Variants in TNKS observed in about 807,000 individuals in gnomAD.
The protein encoded by TNKS is tankyrase, also known as poly [ADP-ribose] polymerase tankyrase-1.
In TNKS, 72 loss-of-function variants were observed where a neutral mutation model predicts 135.8. The ratio of observed to expected loss-of-function variants is 0.53; its 90% confidence interval spans 0.44 to 0.64. TNKS has a LOEUF of 0.64. TNKS is among the 30% of genes least tolerant of loss of function. The pLI is 0.00. For missense variants in TNKS, 1,769 were observed against 1,674.0 expected (o/e 1.06, Z -0.99); for synonymous variants, 849 against 649.3 (o/e 1.31, Z -4.68).
chr8:9,614,173 AC>A (rs1261288863), intron 2 of TNKS, among the ~76,000 whole-genome samples: 2 of 152,246 alleles, frequency 1.3e-5, no homozygotes, highest in African/African-American at 4.8e-5. Flanking sequence ...ACATGTTGTT[AC>A]AATAGCTGTA....
chr8:9,667,258 A>G (rs1225812990), intron 3 of TNKS, among the ~76,000 whole-genome samples: 1 of 152,246 alleles, frequency 6.6e-6, no homozygotes, highest in Non-Finnish European at 1.5e-5. Flanking sequence ...CCAGTATGCC[A>G]ATATGATCTC....
intron 1 of TNKS, chr8:9,557,210 A>G (rs971706313): frequency 2.0e-5 from 3 of 152,708 alleles, no homozygotes; most frequent in African/African-American, 7.2e-5. Flanking sequence ...TGGAAGAAAT[A>G]TAGGCTTTGA....
Position 9,556,782 on chromosome 8 carries a change from G to A in TNKS, c.673+170G>A, listed in dbSNP as rs2129048449. 4.8e-6 allele frequency: 3 copies of A among 627,640 alleles called. No homozygotes were observed. The East Asian group carries it at 1.0e-4, about 22-fold the overall frequency. 38.9% of individuals were successfully genotyped at this position (627,640 alleles called of 1,614,324 possible). On this transcript the variant is annotated intron_variant, in intron 1 of 26. Coordinates refer to ENST00000310430, the MANE Select transcript of TNKS (RefSeq NM_003747.3). ...TTCTTTTGGTGGTGCCTGGGTGATG[G>A]GGGCGTGGTTGGGGGGGATAAGTGA...
chr8:9,681,808 C>G (rs1253471395), intron 5 of TNKS, among the ~76,000 whole-genome samples: 1 of 152,020 alleles, frequency 6.6e-6, no homozygotes, highest in African/African-American at 2.4e-5. Flanking sequence ...CACTTTTTCT[C>G]TATTTTAATG....
chr8:9,699,006 A>G lies in TNKS; in HGVS notation c.1108-5657A>G, dbSNP rs1803664759. On this transcript the variant is annotated intron_variant, in intron 5 of 26. Transcript: ENST00000310430. ...TGTATTTGTGTCTGTTCCATAATTTACTTTACATGTTTGTCTTTTAAAATG... is the reference window on the plus strand; with the variant it reads ...TGTATTTGTGTCTGTTCCATAATTTGCTTTACATGTTTGTCTTTTAAAATG... 2.0e-5 allele frequency among the ~76,000 whole-genome samples: 3 copies of G among 152,180 alleles called. 1 individual carries two copies. In the South Asian group the frequency reaches 6.2e-4, roughly 31 times the overall value.
chr8:9,560,491 GTCTTTTTTTTTTTT>G (rs1797280645), intron 1 of TNKS, among the ~76,000 whole-genome samples: 1 of 40,094 alleles, frequency 2.5e-5, no homozygotes, highest in Non-Finnish European at 4.7e-5. Flanking sequence ...GGCCATACTT[GTCTTTTTTTTTTTT>G]TTTTTTTTTT....
intron 21 of TNKS, 45 bp from the exon 22 acceptor site, chr8:9,763,099 TGAG>T (rs774246996): frequency 1.3e-6 from 1 of 762,892 alleles, no homozygotes; most frequent in Non-Finnish European, 2.0e-6. Context: ...AAATAGAGCC[TGAG>T]TAGTGTAGAC....
chr8:9,629,375 T>C (rs1464775749), intron 3 of TNKS, among the ~76,000 whole-genome samples: 1 of 152,230 alleles, frequency 6.6e-6, no homozygotes, highest in African/African-American at 2.4e-5. Context: ...GTTCTCTACA[T>C]AGCAGACAGA....
At chr8:9,637,618 G>A (rs1026679671) in intron 3 of TNKS, among the ~76,000 whole-genome samples, 2 of 152,128 alleles carry the variant, frequency 1.3e-5, no homozygotes, top group Non-Finnish European at 2.9e-5. Context: ...ACAGCAATGG[G>A]ACAGTATCCT....
chr8:9,679,944 C>G lies in TNKS; in HGVS notation c.995-7C>G, dbSNP rs1366296322. 6.2e-7 allele frequency: 1 copy of G among 1,611,468 alleles called. No individual in the cohort carries two copies. The highest frequency in any genetic ancestry group is 1.1e-5 in the South Asian group (1 of 90,994). On this transcript the variant is annotated splice_region_variant and splice_polypyrimidine_tract_variant and intron_variant, in intron 3 of 26. Transcript: ENST00000310430. ...TGCTAACAGCATGATATTTTGCAAT[C>G]ATCTAGGTGAATACAAGAAAGACGA...
chr8:9,608,107 A>AT (rs774843226), intron 2 of TNKS, among the ~76,000 whole-genome samples: 28 of 151,912 alleles, frequency 1.8e-4, no homozygotes, highest in Non-Finnish European at 3.5e-4. Flanking sequence ...CGCCTGGCTC[A>AT]TTTTTTTACT....
chr8:9,657,770 G>A (rs1421771113), intron 3 of TNKS, among the ~76,000 whole-genome samples: 2 of 147,038 alleles, frequency 1.4e-5, no homozygotes, highest in East Asian at 2.1e-4. Flanking sequence ...CGGCTGGCCG[G>A]GCAGGGGGCT....
chr8:9,712,705 A>G (rs1201562017), intron 11 of TNKS, among the ~76,000 whole-genome samples: 1 of 151,858 alleles, frequency 6.6e-6, no homozygotes, highest in Non-Finnish European at 1.5e-5. Flanking sequence ...GCTGGGCAAC[A>G]CAGGCCAACC....
At chr8:9,593,320 A>G (rs1798656213) in intron 2 of TNKS, among the ~76,000 whole-genome samples, 1 of 152,218 alleles carries the variant, frequency 6.6e-6, no homozygotes, top group African/African-American at 2.4e-5. Context: ...GAAAGTTGTT[A>G]CTTTGCCACA....
intron 2 of TNKS, among the ~76,000 whole-genome samples, chr8:9,610,325 A>G (rs1799409461): frequency 6.6e-6 from 1 of 151,360 alleles, no homozygotes; most frequent in South Asian, 2.1e-4. Context: ...TTATTACGGT[A>G]TAATATATAC....
rs147770310 is a variant in TNKS at position 9,611,948 on chromosome 8, GAGA to G, written c.899-3627_899-3625del. ...TTTTTCATTTTGATTCAGAGGGTGGGAGAAGAAGAGATTCTATTTGAAGCAGCT... is the reference window on the plus strand; with the variant it reads ...TTTTTCATTTTGATTCAGAGGGTGGGAGAAGAGATTCTATTTGAAGCAGCT... On this transcript the variant is annotated intron_variant, in intron 2 of 26. Transcript: ENST00000310430. Among the ~76,000 whole-genome samples the G allele has an allele frequency of 2.5e-3, 377 of 152,240 alleles. 1 individual carries two copies. The highest frequency in any genetic ancestry group is 8.5e-3 in the African/African-American group (353 of 41,532).
At chr8:9,672,068 G>C (rs752564752) in intron 3 of TNKS, among the ~76,000 whole-genome samples, 32 of 152,172 alleles carry the variant, frequency 2.1e-4, no homozygotes, top group African/African-American at 7.7e-4. Context: ...TGCTATTGCA[G>C]CACTTGTGTG....
At chr8:9,768,145 C>G (rs771755719) in intron 25 of TNKS, among the ~76,000 whole-genome samples, 55 of 151,986 alleles carry the variant, frequency 3.6e-4, no homozygotes, top group Non-Finnish European at 6.8e-4. Context: ...ATTAGACACA[C>G]AAGTTTAAGT....
intron 26 of TNKS, among the ~76,000 whole-genome samples, chr8:9,773,759 G>A (rs1045463651): frequency 5.9e-5 from 9 of 151,954 alleles, no homozygotes; most frequent in Non-Finnish European, 1.3e-4. Context: ...AATGCACTCA[G>A]CATTTATTTT....
Sources: allele counts gnomAD v4.1 joint callset (sites outside exome capture counted in the v4.1 genomes callset), GRCh38; gene constraint gnomAD v4.1.1; transcripts MANE v1.5; gene names NCBI Gene and HGNC (gene_info 2026-07-23, HGNC 2026-07-21).